Variants in GPR179 observed in about 807,000 individuals in gnomAD.
GPR179 encodes the protein probable G protein-coupled receptor 179.
In GPR179, 52 loss-of-function variants were observed where a neutral mutation model predicts 70.8. The ratio of observed to expected loss-of-function variants is 0.73; its 90% CI spans 0.59 to 0.93. The LOEUF is 0.93. Among genes scored for constraint, GPR179 ranks in the 40% least tolerant of loss-of-function variants. The pLI is 0.00. For missense variants in GPR179, 2,734 were observed against 2,966.8 expected, an observed-to-expected ratio of 0.92 and a Z score of 1.82; for synonymous variants, 1,123 against 1,169.0, an observed-to-expected ratio of 0.96 and a Z score of 0.80.
chr17:38,337,297 G>C (rs558920202), intron 3 of GPR179, 84 bp from the exon 4 acceptor site: 85 of 1,476,710 alleles, frequency 5.8e-5, no homozygotes, highest in Non-Finnish European at 7.3e-5. Flanking sequence ...AGTCACCACA[G>C]CCCTCTCCCT....
rs1316341343 is a variant in GPR179, at chr17:38,324,806, A to G, written c.*1659T>C. Among the ~76,000 whole-genome samples the G allele has an allele frequency of 1.3e-5, 2 of 152,234 alleles. No individual in the cohort carries two copies. Among genetic ancestry groups the G allele is most frequent in the Non-Finnish European group, 2.9e-5 (2 of 68,038 alleles). On this transcript the variant is annotated 3_prime_UTR_variant, in exon 11 of 11. Coordinates refer to ENST00000616987, the MANE Select transcript of GPR179 (RefSeq NM_001004334.4). Reference sequence around the variant, plus strand: ...AAAGCCCAGAATAAGGGCCCTAGGTAAGAGAATGAGGACATCTGGTCCCCA... The same window carrying G: ...AAAGCCCAGAATAAGGGCCCTAGGTGAGAGAATGAGGACATCTGGTCCCCA...
At position 38,343,281 on chromosome 17, in the gene GPR179, C is replaced by G; in HGVS notation, c.509G>C (p.Gly170Ala). ...CAAGTCCTGCAGGATGGTTTCCTCC[C>G]CAGTCCGGGTGGCCTGCAGGGCCAG... ...LQLALQATRTGEETILQDLSG... is the reference protein window; with the variant it reads ...LQLALQATRTAEETILQDLSG... Residue 170 changes from glycine (G) to alanine (A), a missense_variant, in exon 1 of 11, where the codon GGG becomes GCG. By Grantham distance (60) the Gly-to-Ala change is moderately conservative. Coordinates refer to ENST00000616987, the MANE Select transcript of GPR179 (RefSeq NM_001004334.4). This position sits in a 1 kb window ranked among gnomAD's most constrained non-coding sequence, Gnocchi z 4.2. 2.5e-6 allele frequency: 4 copies of G among 1,614,178 alleles called. No individual in the cohort carries two copies. Among genetic ancestry groups the G allele is most frequent in the Non-Finnish European group, 3.4e-6 (4 of 1,180,016 alleles).
intron 1 of GPR179, among the ~76,000 whole-genome samples, chr17:38,342,523 G>C (rs1242464371): frequency 1.3e-5 from 2 of 152,098 alleles, no homozygotes; most frequent in Admixed American, 6.5e-5. Context: ...ATTTTTAGTA[G>C]AGATGGGGTT....
chr17:38,329,083 C>A lies in GPR179; in HGVS notation c.4486G>T (p.Gly1496Trp). ...TCTTGAAGAGATTCTCTACCTGTCC[C>A]CAGACTCAGCATTTCCTGCCCCATC... Reference protein sequence around the residue: ...NVMGQEMLSLGTGRESLQEKE... With the variant: ...NVMGQEMLSLWTGRESLQEKE... Residue 1496 changes from glycine to tryptophan, a missense_variant, in exon 11 of 11, where the codon GGG (glycine) becomes TGG (tryptophan). Coordinates refer to ENST00000616987, the MANE Select transcript of GPR179 (RefSeq NM_001004334.4). 6.2e-7 allele frequency: 1 copy of A among 1,614,056 alleles called. No individual in the cohort carries two copies. Among genetic ancestry groups the A allele is most frequent in the Non-Finnish European group, 8.5e-7 (1 of 1,179,998 alleles).
Position 38,337,662 on chromosome 17 carries a change from G to T in GPR179, c.962C>A (p.Pro321His). ...AGAGGGGCTTGCCCCGTAGAATCCAGGTCGGCAGCGGCAGAGGTAGCGGCC... is the reference window on the plus strand; with the variant it reads ...AGAGGGGCTTGCCCCGTAGAATCCATGTCGGCAGCGGCAGAGGTAGCGGCC... The part of the protein sequence containing the change: ...VLGRYLCRCR[P>H]GFYGASPSGG... The change falls in exon 3 of 11, where the codon CCT becomes CAT. Residue 321 changes from proline to histidine, a missense_variant. Physicochemically the swap from Pro to His is moderately conservative, Grantham distance 77 (BLOSUM62 -2). Coordinates refer to ENST00000616987, the MANE Select transcript of GPR179 (RefSeq NM_001004334.4). 6.3e-7 allele frequency: 1 copy of T among 1,598,644 alleles called. No individual in the cohort carries two copies. Among genetic ancestry groups the T allele is most frequent in the Non-Finnish European group, 8.5e-7 (1 of 1,173,012 alleles).
At chr17:38,337,581 C>T (rs977123101) in intron 3 of GPR179, 52 bp downstream of exon 3, 1 of 1,494,726 alleles carries the variant, frequency 6.7e-7, no homozygotes, top group Non-Finnish European at 9.3e-7. Context: ...TGTACCCTCC[C>T]AACCATCCTC....
In GPR179 at chr17:38,341,035, A is replaced by T. The variant is rs147237073; in HGVS notation, c.795-1510T>A. Reference sequence around the variant, plus strand: ...AGTATTGTGACCCTTATGATGAGTGAGGAAAGGGATCACACTTTTCTGCCC... The same window carrying T: ...AGTATTGTGACCCTTATGATGAGTGTGGAAAGGGATCACACTTTTCTGCCC... On this transcript the variant is annotated intron_variant, in intron 1 of 10. Coordinates refer to ENST00000616987, the MANE Select transcript of GPR179 (RefSeq NM_001004334.4). 2.0e-5 allele frequency among the ~76,000 whole-genome samples: 3 copies of T among 152,316 alleles called. No individual in the cohort carries two copies. The East Asian group carries it at 5.8e-4, about 29-fold the overall frequency.
At position 38,326,457 on chromosome 17, in the gene GPR179, T is replaced by C. The variant is rs775713380; in HGVS notation, c.*8A>G. 1.4e-5 allele frequency: 22 copies of C among 1,587,946 alleles called. No homozygotes were observed. The highest frequency in any genetic ancestry group is 1.9e-5 in the Non-Finnish European group (22 of 1,163,572). On this transcript the variant is annotated 3_prime_UTR_variant, in exon 11 of 11. Coordinates refer to ENST00000616987, the MANE Select transcript of GPR179 (RefSeq NM_001004334.4). The stretch of plus-strand genomic sequence containing the variant: ...TAGCTCTGTGTTTGACCTCACCTAA[T>C]AAGGCTGTTACTCCCAATCCCAAGG...
chr17:38,339,639 T>G (rs778936892), intron 1 of GPR179, 114 bp from the exon 2 acceptor site: 93 of 727,052 alleles, frequency 1.3e-4, no homozygotes, highest in Non-Finnish European at 2.1e-4. Context: ...CACTTTGGCA[T>G]GCTGAGGACT....
At position 38,330,324 on chromosome 17, in the gene GPR179, C is replaced by G; in HGVS notation, c.3245G>C (p.Gly1082Ala). The change falls in exon 11 of 11, where the codon GGT becomes GCT. Residue 1082 changes from glycine to alanine, a missense_variant. By Grantham distance (60) the Gly-to-Ala change is moderately conservative (BLOSUM62 0). Coordinates refer to ENST00000616987, the MANE Select transcript of GPR179 (RefSeq NM_001004334.4). ...CGCCAGCCCCAGGCTGCGCATGGAA[C>G]CCTGCTGAACAGGGGCCTTGAGGCT... ...SHSLKAPVQQ[G>A]SMRSLGLAIK... 6 of 1,613,822 alleles carry G rather than the reference C, an allele frequency of 3.7e-6. No homozygotes were observed. The highest frequency in any genetic ancestry group is 1.1e-5 in the South Asian group (1 of 91,012).
At position 38,329,147 on chromosome 17, in the gene GPR179, C is replaced by T; in HGVS notation, c.4422G>A (p.Gln1474=). Residue 1474 remains glutamine (Q), a synonymous_variant, in exon 11 of 11, where the codon CAG becomes CAA. Transcript: ENST00000616987. ...GCTCCCAGGGACAGATCTCTGCTTT[C>T]TGGATAGCAGGAGCATCTCCTGCCT... ...LWEAGDAPAI[Q]KAEICPWELD... is the part of the protein sequence containing the mutation. 6.2e-7 allele frequency: 1 copy of T among 1,614,046 alleles called. No homozygotes were observed. The highest frequency in any genetic ancestry group is 8.5e-7 in the Non-Finnish European group (1 of 1,180,030).
In GPR179 at chr17:38,335,165, G is replaced by A; in HGVS notation, c.1513C>T (p.Leu505=). Residue 505 remains leucine, a synonymous_variant, in exon 7 of 11, where the codon CTG becomes TTG. Transcript: ENST00000616987. ...GLLLLPVLGF[L]AVWTVGALER... is the part of the protein sequence containing the mutation. ...AGGGCGCCCACGGTCCACACAGCCAGGAAGCCCAGCACAGGTAGCAGGAGC... is the reference window on the plus strand; with the variant it reads ...AGGGCGCCCACGGTCCACACAGCCAAGAAGCCCAGCACAGGTAGCAGGAGC... 1 of 1,581,848 alleles carries A rather than the reference G, an allele frequency of 6.3e-7. No homozygotes were observed. Among genetic ancestry groups the A allele is most frequent in the South Asian group, 1.1e-5 (1 of 87,382 alleles).
rs372064887 is a variant in GPR179 at position 38,329,912 on chromosome 17, A to T, written c.3657T>A (p.Pro1219=). The T allele has an allele frequency of 1.9e-6, 3 of 1,613,478 alleles. No individual in the cohort carries two copies. In the South Asian group the frequency reaches 3.3e-5, roughly 18 times the overall value. ...CTTTGGGCAGTTCCTGCCACCCGAC[A>T]GGGGTTTCTTTTGATTGCTTGATGT... ...DKNIKQSKET[P]VGWQELPKAG... is the part of the protein sequence containing the mutation. The change falls in exon 11 of 11, where the codon CCT becomes CCA. Residue 1219 remains proline (P), a synonymous_variant. Coordinates refer to ENST00000616987, the MANE Select transcript of GPR179 (RefSeq NM_001004334.4).
chr17:38,329,015 C>T lies in GPR179; in HGVS notation c.4554G>A (p.Gly1518=). The change falls in exon 11 of 11, where the codon GGG becomes GGA. Residue 1518 remains glycine, a synonymous_variant. Transcript: ENST00000616987. ...ASRKGSFGEM[G]EQTVKAVQKL... is the part of the protein sequence containing the mutation. ...TCTGCACTGCTTTCACAGTTTGTTC[C>T]CCCATCTCTCCAAAGCTTCCTTTTC... 6.2e-7 allele frequency: 1 copy of T among 1,614,124 alleles called. No homozygotes were observed. The highest frequency in any genetic ancestry group is 1.3e-5 in the African/African-American group (1 of 75,036).
At position 38,334,700 on chromosome 17, in the gene GPR179, T is replaced by C. The variant is rs1208343615; in HGVS notation, c.1784+4A>G. 18 of 1,613,414 alleles carry C rather than the reference T, an allele frequency of 1.1e-5. No homozygotes were observed. Among genetic ancestry groups the C allele is most frequent in the Non-Finnish European group, 1.4e-5 (16 of 1,179,814 alleles). ...GGGGTGTGGGGAGGTGAGTCCGTCCTCACCTGGCTGTGTGGAAGGCAGCGG... is the reference window on the plus strand; with the variant it reads ...GGGGTGTGGGGAGGTGAGTCCGTCCCCACCTGGCTGTGTGGAAGGCAGCGG... On this transcript the variant is annotated splice_donor_region_variant and intron_variant, in intron 8 of 10. Coordinates refer to ENST00000616987, the MANE Select transcript of GPR179 (RefSeq NM_001004334.4). The surrounding 1 kb of genome is among the most constrained non-coding windows in gnomAD (Gnocchi z 4.7).
chr17:38,343,228 G>C lies in GPR179; in HGVS notation c.562C>G (p.Pro188Ala). Residue 188 changes from proline (P) to alanine (A), a missense_variant, in exon 1 of 11, where the codon CCT becomes GCT. Pro to Ala is a conservative substitution (Grantham distance 27, BLOSUM62 -1). Transcript: ENST00000616987. The surrounding 1 kb of genome is among the most constrained non-coding windows in gnomAD (Gnocchi z 4.2). Reference sequence around the variant, plus strand: ...GCAGGGGTGTCCAGGTCCCCAGGAGGGTTCTCCTCCTGCACCCAGTTCCCA... The same window carrying C: ...GCAGGGGTGTCCAGGTCCCCAGGAGCGTTCTCCTCCTGCACCCAGTTCCCA... ...LSGNWVQEENPPGDLDTPALK... is the reference protein window; with the variant it reads ...LSGNWVQEENAPGDLDTPALK... 1 of 1,614,128 alleles carries C rather than the reference G, an allele frequency of 6.2e-7. No individual in the cohort carries two copies. Among genetic ancestry groups the C allele is most frequent in the Non-Finnish European group, 8.5e-7 (1 of 1,180,004 alleles).
In GPR179 at chr17:38,329,731, T is replaced by C. The variant is rs761624368; in HGVS notation, c.3838A>G (p.Arg1280Gly). The change falls in exon 11 of 11, where the codon AGA becomes GGA. Residue 1280 changes from arginine to glycine, a missense_variant. Transcript: ENST00000616987. ...SEGAPESRAL[R>G]QDPGDSQKKR... ...TTTTGGGAGTCACCTGGGTCTTGTC[T>C]TAGTGCCCTCGACTCTGGGGCTCCT... 6.2e-7 allele frequency: 1 copy of C among 1,614,170 alleles called. No homozygotes were observed. Among genetic ancestry groups the C allele is most frequent in the African/African-American group, 1.3e-5 (1 of 75,044 alleles).
chr17:38,335,848 G>A, intron 5 of GPR179, 148 bp from the exon 6 acceptor site: 1 of 676,872 alleles, frequency 1.5e-6, no homozygotes, highest in Non-Finnish European at 2.7e-6. Context: ...AAGTGTCAAA[G>A]AAGTTAGGTA....
chr17:38,324,835 G>A lies in GPR179; in HGVS notation c.*1630C>T, dbSNP rs1335518136. Among the ~76,000 whole-genome samples, 1 of 152,216 alleles carries A rather than the reference G, an allele frequency of 6.6e-6. No homozygotes were observed. The highest frequency in any genetic ancestry group is 1.9e-4 in the East Asian group (1 of 5,202). Reference sequence around the variant, plus strand: ...GAATGAGGACATCTGGTCCCCAAAGGAGAGTAGGTTACTCCATTCCTCTGT... The same window carrying A: ...GAATGAGGACATCTGGTCCCCAAAGAAGAGTAGGTTACTCCATTCCTCTGT... On this transcript the variant is annotated 3_prime_UTR_variant, in exon 11 of 11. Transcript: ENST00000616987.
Sources: allele counts gnomAD v4.1 joint callset (sites outside exome capture counted in the v4.1 genomes callset), GRCh38; gene constraint gnomAD v4.1.1; non-coding constraint Gnocchi (gnomAD v3.1); transcripts MANE v1.5; gene names NCBI Gene and HGNC (gene_info 2026-07-23, HGNC 2026-07-21).